The following BAG2 variants were observed in gnomAD, a reference collection of about 807,000 sequenced individuals.
BAG2 encodes BAG cochaperone 2, also known as BAG family molecular chaperone regulator 2.
In BAG2, 8 loss-of-function variants were observed where a neutral mutation model predicts 16.4. The observed-to-expected ratio is 0.49, with a 90% CI of 0.29 to 0.88. BAG2 has a LOEUF of 0.88. Ranked by LOEUF, BAG2 falls within the 40% of genes least tolerant of loss-of-function variation. The probability of loss-of-function intolerance (pLI) is 0.09; values close to 1 mark genes in which losing one functional copy is unlikely to be tolerated. For synonymous variants in BAG2, 82 were observed against 89.2 expected (o/e 0.92, Z 0.46); for missense variants, 218 against 248.9 (o/e 0.88, Z 0.84).
At chr6:57,177,394 C>T (rs566690312) in intron 1 of BAG2, among the ~76,000 whole-genome samples, 10 of 152,124 alleles carry the variant, frequency 6.6e-5, no homozygotes, top group East Asian at 1.9e-4. Flanking sequence ...CCGGCCTGGA[C>T]GACAGAGTGA....
At chr6:57,175,629 C>G (rs1208549280) in intron 1 of BAG2, among the ~76,000 whole-genome samples, 1 of 152,222 alleles carries the variant, frequency 6.6e-6, no homozygotes, top group Non-Finnish European at 1.5e-5. Flanking sequence ...AATCACTTTT[C>G]TACATGGTTG....
chr6:57,180,439 TAAAA>T (rs374610477), intron 1 of BAG2, among the ~76,000 whole-genome samples: 2 of 145,500 alleles, frequency 1.4e-5, no homozygotes, highest in African/African-American at 5.0e-5. Context: ...CTAGTGCTAT[TAAAA>T]AAAAAAACCC....
intron 1 of BAG2, among the ~76,000 whole-genome samples, chr6:57,175,694 G>T (rs1389358609): frequency 6.6e-6 from 1 of 152,180 alleles, no homozygotes; most frequent in Non-Finnish European, 1.5e-5. Context: ...AAAAGGACAG[G>T]GTTTGGAGAG....
chr6:57,179,107 G>A (rs1764367374), intron 1 of BAG2, among the ~76,000 whole-genome samples: 1 of 152,126 alleles, frequency 6.6e-6, no homozygotes, highest in African/African-American at 2.4e-5. Context: ...AAATATTGGA[G>A]TCATGGTTTG....
chr6:57,181,954 G>A (rs1764461295), intron 1 of BAG2, 78 bp from the exon 2 acceptor site: 2 of 1,249,040 alleles, frequency 1.6e-6, no homozygotes, highest in Admixed American at 2.0e-5. Flanking sequence ...CTTGATTTGG[G>A]TTGAATGAGA....
rs937586969 is a variant in BAG2 at position 57,185,064 on chromosome 6, G to T, written c.*874G>T. The T allele has an allele frequency of 1.3e-5, 2 of 151,634 alleles. No homozygotes were observed. The highest frequency in any genetic ancestry group is 6.6e-5 in the Admixed American group (1 of 15,228). 9.4% of individuals were successfully genotyped at this position (151,634 alleles called of 1,614,324 possible). A position where few individuals can be genotyped will look rare whatever the true frequency, so the allele number is the denominator to read the frequency against. ...AGGACTTTTTCCTTCTTTCATTTTTGTTTTTCTCTGTATAAAGGCCCAGCA... is the reference window on the plus strand; with the variant it reads ...AGGACTTTTTCCTTCTTTCATTTTTTTTTTTCTCTGTATAAAGGCCCAGCA... On this transcript the variant is annotated 3_prime_UTR_variant, in exon 3 of 3. Transcript: ENST00000370693.
intron 1 of BAG2, among the ~76,000 whole-genome samples, chr6:57,180,521 T>G (rs1376539044): frequency 1.3e-5 from 2 of 151,858 alleles, no homozygotes; most frequent in Non-Finnish European, 2.9e-5. Context: ...TAGAGATAAA[T>G]AGCGAATATA....
chr6:57,176,854 G>A (rs1320098456), intron 1 of BAG2, among the ~76,000 whole-genome samples: 1 of 151,934 alleles, frequency 6.6e-6, no homozygotes, highest in Non-Finnish European at 1.5e-5. Flanking sequence ...GAGTTAGGTG[G>A]AGGGCACATA....
chr6:57,184,906 C>T lies in BAG2; in HGVS notation c.*716C>T, dbSNP rs1018677390. 6.6e-6 allele frequency: 1 copy of T among 152,296 alleles called. No homozygotes were observed. Among genetic ancestry groups the T allele is most frequent in the Non-Finnish European group, 1.5e-5 (1 of 68,018 alleles). 9.4% of individuals were successfully genotyped at this position (152,296 alleles called of 1,614,324 possible). A position where few individuals can be genotyped will look rare whatever the true frequency, so the allele number is the denominator to read the frequency against. ...TGCCTTTTTTTAAAAAAGTTAGATG[C>T]TGATATAAAGTCTGCTTAATTGTCA... On this transcript the variant is annotated 3_prime_UTR_variant, in exon 3 of 3. Transcript: ENST00000370693.
In BAG2 at chr6:57,182,157, A is replaced by C; in HGVS notation, c.223+16A>C. Reference sequence around the variant, plus strand: ...ATCAGTGACGGTGAGAGCCATCTCCACAGAAGGGGCTCATCTTTTACACTC... The same window carrying C: ...ATCAGTGACGGTGAGAGCCATCTCCCCAGAAGGGGCTCATCTTTTACACTC... On this transcript the variant is annotated intron_variant, in intron 2 of 2. Coordinates refer to ENST00000370693, the MANE Select transcript of BAG2 (RefSeq NM_004282.4). 4.4e-6 allele frequency: 7 copies of C among 1,602,814 alleles called. No homozygotes were observed. Among genetic ancestry groups the C allele is most frequent in the Non-Finnish European group, 6.0e-6 (7 of 1,170,340 alleles).
At chr6:57,178,093 G>C (rs1243098817) in intron 1 of BAG2, among the ~76,000 whole-genome samples, 1 of 152,164 alleles carries the variant, frequency 6.6e-6, no homozygotes. Flanking sequence ...CTGCTTCCGG[G>C]ATCTGTTAGT....
chr6:57,184,960 T>C lies in BAG2; in HGVS notation c.*770T>C, dbSNP rs1291172911. 1 of 152,260 alleles carries C rather than the reference T, an allele frequency of 6.6e-6. No individual in the cohort carries two copies. The highest frequency in any genetic ancestry group is 2.4e-5 in the African/African-American group (1 of 41,464). 9.4% of individuals were successfully genotyped at this position (152,260 alleles called of 1,614,324 possible). A position where few individuals can be genotyped will look rare whatever the true frequency, so the allele number is the denominator to read the frequency against. On this transcript the variant is annotated 3_prime_UTR_variant, in exon 3 of 3. Transcript: ENST00000370693. The stretch of plus-strand genomic sequence containing the variant: ...TAATGAGCTCTATTTTGTGTAGTTA[T>C]ATCTTTATCCATTCCTCTTTTATGG...
intron 1 of BAG2, among the ~76,000 whole-genome samples, chr6:57,175,657 AAAG>A (rs1327536032): frequency 6.6e-6 from 1 of 152,144 alleles, no homozygotes; most frequent in Non-Finnish European, 1.5e-5. Context: ...TGCTTATATA[AAAG>A]AAGCAAGCCT....
chr6:57,172,777 G>T lies in BAG2; in HGVS notation c.80G>T (p.Arg27Leu), dbSNP rs768830318. The stretch of plus-strand genomic sequence containing the variant: ...TCCTCCATGGCTGACCGCTCCAGCC[G>T]CCTGCTGGAGAGCCTGGACCAGCTG... ...RSSSMADRSS[R>L]LLESLDQLEL... The change falls in exon 1 of 3, where the codon CGC becomes CTC. Residue 27 changes from arginine (R) to leucine (L), a missense_variant. Coordinates refer to ENST00000370693, the MANE Select transcript of BAG2 (RefSeq NM_004282.4). The T allele has an allele frequency of 1.3e-6, 2 of 1,571,776 alleles. No homozygotes were observed. The highest frequency in any genetic ancestry group is 1.7e-6 in the Non-Finnish European group (2 of 1,162,094).
In BAG2 at chr6:57,188,761, T is replaced by G. The variant is rs1238645173; in HGVS notation, c.*4571T>G. 1 of 152,200 alleles carries G rather than the reference T, an allele frequency of 6.6e-6. No individual in the cohort carries two copies. The highest frequency in any genetic ancestry group is 1.5e-5 in the Non-Finnish European group (1 of 68,036). The allele number at this position is 152,200 out of a possible 1,614,324, so 9.4% of individuals were successfully genotyped here. A position where few individuals can be genotyped will look rare whatever the true frequency, so the allele number is the denominator to read the frequency against. Reference sequence around the variant, plus strand: ...GTGAAATAGATAATGCCAGATCATTTCAATATAATGAAAAGCAAAAATTTA... The same window carrying G: ...GTGAAATAGATAATGCCAGATCATTGCAATATAATGAAAAGCAAAAATTTA... On this transcript the variant is annotated 3_prime_UTR_variant, in exon 3 of 3. Transcript: ENST00000370693.
At chr6:57,173,117 A>G (rs1764174839) in intron 1 of BAG2, 1 of 1,046,986 alleles carries the variant, frequency 9.6e-7, no homozygotes, top group Non-Finnish European at 1.2e-6. Context: ...AGAGGAGATA[A>G]AAGTTACAGT....
intron 1 of BAG2, chr6:57,174,081 C>A: frequency 2.0e-6 from 1 of 495,434 alleles, no homozygotes; most frequent in Non-Finnish European, 2.8e-6. Flanking sequence ...GTAATGCTTC[C>A]TCATGGATTT....
At chr6:57,177,002 G>A (rs1764302685) in intron 1 of BAG2, among the ~76,000 whole-genome samples, 1 of 152,158 alleles carries the variant, frequency 6.6e-6, no homozygotes, top group Admixed American at 6.5e-5. Context: ...GACAGTAAAT[G>A]TAATTTAACA....
rs1389562210 is a variant in BAG2, at chr6:57,184,295, A to G, written c.*105A>G. The G allele has an allele frequency of 2.8e-6, 3 of 1,087,900 alleles. No homozygotes were observed. Among genetic ancestry groups the G allele is most frequent in the East Asian group, 5.9e-5 (2 of 33,978 alleles). 67.4% of individuals were successfully genotyped at this position (1,087,900 alleles called of 1,614,324 possible). A position where few individuals can be genotyped will look rare whatever the true frequency, so the allele number is the denominator to read the frequency against. The stretch of plus-strand genomic sequence containing the variant: ...TGTTAGGTATAACCACTTAGTTGAC[A>G]CTGATAGTTGTTTCAGATGAGGAAA... On this transcript the variant is annotated 3_prime_UTR_variant, in exon 3 of 3. Coordinates refer to ENST00000370693, the MANE Select transcript of BAG2 (RefSeq NM_004282.4).
Sources: allele counts gnomAD v4.1 joint callset (sites outside exome capture counted in the v4.1 genomes callset), GRCh38; gene constraint gnomAD v4.1.1; transcripts MANE v1.5; gene names NCBI Gene and HGNC (gene_info 2026-07-23, HGNC 2026-07-21).